RNF216: variants seen among roughly 807,000 people sequenced by gnomAD.
The protein encoded by RNF216 is E3 ubiquitin-protein ligase RNF216.
RNF216 carries 72 observed loss-of-function variants against 110.8 expected under a neutral mutation model. The ratio of observed to expected loss-of-function variants is 0.65; its 90% CI spans 0.54 to 0.79. The LOEUF (loss-of-function observed/expected upper bound fraction) is 0.79. Ranked by LOEUF, RNF216 falls within the 30% of genes least tolerant of loss-of-function variation. RNF216 has a pLI of 0.00. For synonymous variants in RNF216, 495 were observed against 407.5 expected (o/e 1.21, Z -2.59); for missense variants, 1,342 against 1,141.2 (o/e 1.18, Z -2.54).
intron 13 of RNF216, among the ~76,000 whole-genome samples, chr7:5,679,534 C>T (rs1479537570): frequency 2.0e-5 from 3 of 152,218 alleles, no homozygotes; most frequent in Admixed American, 2.0e-4. Flanking sequence ...TGACCAGAGT[C>T]CCTTGAGGGT....
At chr7:5,743,856 A>C (rs1301826856) in intron 3 of RNF216, among the ~76,000 whole-genome samples, 1 of 152,190 alleles carries the variant, frequency 6.6e-6, no homozygotes, top group East Asian at 1.9e-4. Context: ...ACTGAATCGC[A>C]GCGTGGAGAG....
chr7:5,699,139 G>A (rs1356287177), intron 13 of RNF216, among the ~76,000 whole-genome samples: 2 of 151,978 alleles, frequency 1.3e-5, no homozygotes, highest in Non-Finnish European at 2.9e-5. Context: ...AATAATGATC[G>A]ACTCATAACC....
chr7:5,631,125 GACAAAACAAAACAAA>G (rs893080546), intron 15 of RNF216, among the ~76,000 whole-genome samples: 2 of 152,116 alleles, frequency 1.3e-5, no homozygotes, highest in African/African-American at 4.8e-5. Context: ...GACGTAACAG[GACAAAACAAAACAAA>G]ACACTTCTAC....
chr7:5,697,031 A>G (rs1791673176), intron 13 of RNF216, among the ~76,000 whole-genome samples: 1 of 151,358 alleles, frequency 6.6e-6, no homozygotes, highest in African/African-American at 2.4e-5. Context: ...AATAAAATCC[A>G]CCCTCCTTGT....
At chr7:5,761,433 A>G (rs953109315) in intron 1 of RNF216, among the ~76,000 whole-genome samples, 2 of 152,244 alleles carry the variant, frequency 1.3e-5, no homozygotes, top group African/African-American at 4.8e-5. Flanking sequence ...CAATTCACAA[A>G]AAAGAAAACA....
intron 13 of RNF216, among the ~76,000 whole-genome samples, chr7:5,668,742 T>C (rs1434790367): frequency 6.6e-6 from 1 of 152,066 alleles, no homozygotes; most frequent in Admixed American, 6.5e-5. Flanking sequence ...GGAAGAACGC[T>C]GTTAGGAAGT....
intron 13 of RNF216, among the ~76,000 whole-genome samples, chr7:5,706,474 T>C (rs943017396): frequency 6.6e-6 from 1 of 152,224 alleles, no homozygotes; most frequent in Non-Finnish European, 1.5e-5. Flanking sequence ...AGTGGAATCG[T>C]GCAGTATCTG....
At chr7:5,692,274 G>C (rs1371199907) in intron 13 of RNF216, among the ~76,000 whole-genome samples, 1 of 152,206 alleles carries the variant, frequency 6.6e-6, no homozygotes, top group Non-Finnish European at 1.5e-5. Flanking sequence ...CCTTTTACTT[G>C]TTCCTCACAT....
At chr7:5,627,249 G>A (rs1452871341) in intron 15 of RNF216, among the ~76,000 whole-genome samples, 2 of 152,216 alleles carry the variant, frequency 1.3e-5, no homozygotes, top group Admixed American at 1.3e-4. Flanking sequence ...TCCTCCTGGA[G>A]GAAATCCACA....
chr7:5,731,601 G>C (rs1794094702), intron 5 of RNF216, among the ~76,000 whole-genome samples: 1 of 151,496 alleles, frequency 6.6e-6, no homozygotes. Flanking sequence ...CAGTAGTGCA[G>C]ACAGAGTGGG....
chr7:5,633,609 A>G (rs1206719896), intron 15 of RNF216, among the ~76,000 whole-genome samples: 2 of 152,092 alleles, frequency 1.3e-5, no homozygotes, highest in Non-Finnish European at 2.9e-5. Flanking sequence ...AAAAACAAGG[A>G]AATAAGCGGA....
chr7:5,701,118 C>A (rs1030578059), intron 13 of RNF216, among the ~76,000 whole-genome samples: 7 of 152,156 alleles, frequency 4.6e-5, no homozygotes, highest in Non-Finnish European at 8.8e-5. Flanking sequence ...ACGACAGCCT[C>A]CCCCAGCACG....
In RNF216 at chr7:5,661,078, T is replaced by G. The variant is rs111311689; in HGVS notation, c.2062-8568A>C. On this transcript the variant is annotated intron_variant, in intron 13 of 16. Transcript: ENST00000389902. Reference sequence around the variant, plus strand: ...CCTCAGTCTCCCAAGTAGCTGGAATTACAGGTATGCACCACCATGCCCGGC... The same window carrying G: ...CCTCAGTCTCCCAAGTAGCTGGAATGACAGGTATGCACCACCATGCCCGGC... Among the ~76,000 whole-genome samples, 825 of 150,166 alleles carry G rather than the reference T, an allele frequency of 5.5e-3. 8 individuals carry two copies. The highest frequency in any genetic ancestry group is 0.019 in the African/African-American group (779 of 40,604).
At chr7:5,662,640 T>A (rs568096434) in intron 13 of RNF216, 25 of 152,492 alleles carry the variant, frequency 1.6e-4, no homozygotes, top group African/African-American at 6.0e-4. Flanking sequence ...CTTCCATCAG[T>A]GCCGCTGAGA....
chr7:5,670,460 C>G (rs917392489), intron 13 of RNF216, among the ~76,000 whole-genome samples: 2 of 152,112 alleles, frequency 1.3e-5, no homozygotes, highest in African/African-American at 2.4e-5. Context: ...TAAAAAAAGT[C>G]TTTTACTTCC....
chr7:5,713,056 G>C (rs1336409184), intron 11 of RNF216, among the ~76,000 whole-genome samples, 193 bp from the exon 12 acceptor site: 2 of 152,128 alleles, frequency 1.3e-5, no homozygotes, highest in African/African-American at 2.4e-5. Flanking sequence ...TATCACTAAA[G>C]GACCTCTATT....
Position 5,621,517 on chromosome 7 carries a change from G to T in RNF216, c.*1343C>A, listed in dbSNP as rs73676614. ...TGAGAAGCCAATGGCAGCGAATGAC[G>T]GTGCCCGCCTGCCCCAGGCACCTTG... is the stretch of plus-strand genomic sequence containing the variant. On this transcript the variant is annotated 3_prime_UTR_variant, in exon 17 of 17. Transcript: ENST00000389902. 6.6e-6 allele frequency: 1 copy of T among 152,236 alleles called. No individual in the cohort carries two copies. Among genetic ancestry groups the T allele is most frequent in the African/African-American group, 2.4e-5 (1 of 41,456 alleles). 9.4% of individuals were successfully genotyped at this position (152,236 alleles called of 1,614,324 possible).
chr7:5,710,452 T>C (rs1792605035), intron 13 of RNF216, among the ~76,000 whole-genome samples: 1 of 152,180 alleles, frequency 6.6e-6, no homozygotes, highest in Non-Finnish European at 1.5e-5. Flanking sequence ...ATAAGCACTT[T>C]CACTGGCAGA....
chr7:5,757,672 T>C (rs984595826), intron 2 of RNF216, among the ~76,000 whole-genome samples: 1 of 152,160 alleles, frequency 6.6e-6, no homozygotes, highest in Non-Finnish European at 1.5e-5. Context: ...ATTCCATTTA[T>C]ATGAAATGAC....
Sources: gnomAD v4.1 joint callset for allele counts (sites outside exome capture counted in the v4.1 genomes callset) on GRCh38, gnomAD v4.1.1 for gene constraint, MANE v1.5 for transcripts, NCBI Gene and HGNC (gene_info 2026-07-23, HGNC 2026-07-21) for gene names.